NFKB1: variants seen among roughly 807,000 people sequenced by gnomAD.
NFKB1 encodes nuclear factor kappa B subunit 1.
Under a neutral mutation model 105.1 loss-of-function variants are expected in NFKB1, and 9 were observed. That is an observed-to-expected ratio of 0.09 (90% CI 0.05 to 0.15). The LOEUF is 0.15. Among genes scored for constraint, NFKB1 ranks in the 10% least tolerant of loss-of-function variants. The pLI is 1.00. For synonymous variants in NFKB1, 440 were observed against 442.2 expected, an observed-to-expected ratio of 1.00 and a Z score of 0.06; for missense variants, 830 against 1,203.7, an observed-to-expected ratio of 0.69 and a Z score of 4.59.
intron 9 of NFKB1, 136 bp from the exon 10 acceptor site, chr4:102,582,730 C>G: frequency 1.9e-6 from 1 of 517,512 alleles, no homozygotes; most frequent in Non-Finnish European, 3.3e-6. Flanking sequence ...TTTTAAAAGA[C>G]TGAACCTTTT....
At chr4:102,516,925 A>G (rs1319926715) in intron 1 of NFKB1, among the ~76,000 whole-genome samples, 1 of 152,196 alleles carries the variant, frequency 6.6e-6, no homozygotes, top group East Asian at 1.9e-4. Flanking sequence ...CTGAAATCAC[A>G]ACTGAATGCT....
chr4:102,548,440 G>A (rs1722307646), intron 5 of NFKB1, among the ~76,000 whole-genome samples: 1 of 152,134 alleles, frequency 6.6e-6, no homozygotes, highest in South Asian at 2.1e-4. Flanking sequence ...ACCGGGAGGA[G>A]GTGTAGTACT....
chr4:102,603,528 C>G (rs1163197410), intron 16 of NFKB1, among the ~76,000 whole-genome samples: 2 of 152,160 alleles, frequency 1.3e-5, no homozygotes, highest in Non-Finnish European at 2.9e-5. Flanking sequence ...GACTATACGT[C>G]CATTTTTCCC....
rs1411654622 is a variant in NFKB1, at chr4:102,617,075, A to G, written c.*481A>G. ...AAAAAAAAGGCATATTGCTTTTTCT[A>G]ATGTGGTTATTTCTCTGATTTGCAA... On this transcript the variant is annotated 3_prime_UTR_variant, in exon 24 of 24. Transcript: ENST00000226574. 7.5e-6 allele frequency: 1 copy of G among 133,606 alleles called. No individual in the cohort carries two copies. 8.3% of individuals were successfully genotyped at this position (133,606 alleles called of 1,614,324 possible).
chr4:102,577,830 T>C, intron 7 of NFKB1: 2 of 985,568 alleles, frequency 2.0e-6, no homozygotes, highest in Non-Finnish European at 2.4e-6. Flanking sequence ...CCATTTTCAT[T>C]GTTCCACTTA....
chr4:102,537,789 G>A, intron 4 of NFKB1, 69 bp from the exon 5 acceptor site: 1 of 893,294 alleles, frequency 1.1e-6, no homozygotes, highest in Non-Finnish European at 1.8e-6. Context: ...AAATTTGTAT[G>A]TACCTTTGTT....
intron 5 of NFKB1, among the ~76,000 whole-genome samples, chr4:102,542,195 A>C (rs1448748063): frequency 2.0e-5 from 3 of 151,980 alleles, no homozygotes; most frequent in Non-Finnish European, 4.4e-5. Context: ...CATGCATAAA[A>C]CCCTGTTTCG....
chr4:102,598,097 G>T (rs1051760126), intron 15 of NFKB1, among the ~76,000 whole-genome samples: 1 of 152,220 alleles, frequency 6.6e-6, no homozygotes, highest in Non-Finnish European at 1.5e-5. Flanking sequence ...GATTAAGAGG[G>T]ACTGGTCATT....
chr4:102,576,879 C>G lies in NFKB1; in HGVS notation c.411C>G (p.Phe137Leu), dbSNP rs369582218. 1.2e-6 allele frequency: 2 copies of G among 1,603,198 alleles called. No homozygotes were observed. The highest frequency in any genetic ancestry group is 1.7e-5 in the Admixed American group (1 of 57,316). Residue 137 changes from phenylalanine (F) to leucine (L), a missense_variant, in exon 7 of 24, where the codon TTC (phenylalanine) becomes TTG (leucine). By Grantham distance (22) the Phe-to-Leu change is conservative. Coordinates refer to ENST00000226574, the MANE Select transcript of NFKB1 (RefSeq NM_003998.4). Reference sequence around the variant, plus strand: ...GCTGTTACTGTTTTTTCTCCAGCTTCGCAAACCTGGGTATACTTCATGTGA... The same window carrying G: ...GCTGTTACTGTTTTTTCTCCAGCTTGGCAAACCTGGGTATACTTCATGTGA... Reference protein sequence around the residue: ...TAGPKDMVVGFANLGILHVTK... With the variant: ...TAGPKDMVVGLANLGILHVTK...
intron 5 of NFKB1, among the ~76,000 whole-genome samples, chr4:102,547,621 C>T (rs1722237323): frequency 6.6e-6 from 1 of 152,198 alleles, no homozygotes; most frequent in East Asian, 1.9e-4. Flanking sequence ...TTATTCAGTA[C>T]ATGCCACACA....
rs1262122468 is a variant in NFKB1, at chr4:102,606,486, C to T, written c.1753-10C>T. 6.2e-7 allele frequency: 1 copy of T among 1,613,442 alleles called. No homozygotes were observed. The highest frequency in any genetic ancestry group is 2.2e-5 in the East Asian group (1 of 44,900). On this transcript the variant is annotated splice_polypyrimidine_tract_variant and intron_variant, in intron 16 of 23. Transcript: ENST00000226574. ...CTGACCAGTGAATCTCCTGCCCTTT[C>T]ACTTTCCAGACGCCCTTGCACTTGG... is the stretch of plus-strand genomic sequence containing the variant.
chr4:102,604,294 T>A (rs938604013), intron 16 of NFKB1, among the ~76,000 whole-genome samples: 3 of 152,190 alleles, frequency 2.0e-5, no homozygotes, highest in South Asian at 2.1e-4. Context: ...AAAATTTTTT[T>A]AATTTAATTT....
chr4:102,596,072 G>T, intron 13 of NFKB1, 66 bp from the exon 14 acceptor site: 3 of 1,107,280 alleles, frequency 2.7e-6, no homozygotes, highest in Non-Finnish European at 3.8e-6. Flanking sequence ...GACCTACATT[G>T]GAATAGCGAA....
intron 5 of NFKB1, among the ~76,000 whole-genome samples, chr4:102,541,191 A>G (rs1401464098): frequency 1.3e-5 from 2 of 152,316 alleles, no homozygotes; most frequent in East Asian, 1.9e-4. Flanking sequence ...AAGTCTCCAC[A>G]TTGACAAATG....
chr4:102,615,887 C>T (rs945230415), intron 23 of NFKB1, among the ~76,000 whole-genome samples: 4 of 152,220 alleles, frequency 2.6e-5, no homozygotes, highest in Admixed American at 1.3e-4. Context: ...CCTAAGGACA[C>T]TTATAAACAA....
intron 1 of NFKB1, among the ~76,000 whole-genome samples, chr4:102,512,318 A>G (rs1739833552): frequency 6.6e-6 from 1 of 152,118 alleles, no homozygotes; most frequent in African/African-American, 2.4e-5. Context: ...CAGTTTATAC[A>G]TTGACATCTG....
At chr4:102,529,971 A>C in intron 3 of NFKB1, 57 bp downstream of exon 3, 1 of 1,288,994 alleles carries the variant, frequency 7.8e-7, no homozygotes, top group Non-Finnish European at 1.1e-6. Context: ...AGTAAAATGC[A>C]GGATTTGTTA....
chr4:102,506,612 AT>A (rs1226951350), intron 1 of NFKB1, among the ~76,000 whole-genome samples: 3 of 152,102 alleles, frequency 2.0e-5, no homozygotes, highest in African/African-American at 7.2e-5. Context: ...TGAACCATTT[AT>A]TTTTTTGTGG....
intron 16 of NFKB1, among the ~76,000 whole-genome samples, chr4:102,601,508 G>A (rs1280394113): frequency 6.6e-6 from 1 of 152,200 alleles, no homozygotes; most frequent in Non-Finnish European, 1.5e-5. Context: ...AAAGCAGAAA[G>A]ACAGCTCCAA....
Sources: gnomAD v4.1 joint callset for allele counts (sites outside exome capture counted in the v4.1 genomes callset) on GRCh38, gnomAD v4.1.1 for gene constraint, MANE v1.5 for transcripts, NCBI Gene and HGNC (gene_info 2026-07-23, HGNC 2026-07-21) for gene names.